The following CD200R1 variants were observed in gnomAD, a reference collection of about 807,000 sequenced individuals.
CD200R1 encodes CD200 receptor 1.
A neutral mutation model predicts 38.1 loss-of-function variants in CD200R1; 30 were observed. That is an observed-to-expected ratio of 0.79 (90% CI 0.59 to 1.07). The LOEUF is 1.07. Ranked by LOEUF, CD200R1 falls within the 50% of genes least tolerant of loss-of-function variation. The pLI is 0.00. For synonymous variants in CD200R1, 128 were observed against 152.1 expected (o/e 0.84, Z 1.16); for missense variants, 372 against 415.4 (o/e 0.90, Z 0.91).
chr3:112,951,734 A>G (rs1195765529), intron 1 of CD200R1, among the ~76,000 whole-genome samples: 1 of 151,404 alleles, frequency 6.6e-6, no homozygotes, highest in Non-Finnish European at 1.5e-5. Flanking sequence ...ACATTTTTCT[A>G]TACTAGCACA....
Position 112,931,179 on chromosome 3 carries a change from ATATT to A in CD200R1, c.137-12_137-9del, listed in dbSNP as rs759573985. The A allele has an allele frequency of 3.9e-6, 6 of 1,553,068 alleles. No individual in the cohort carries two copies. The South Asian group carries it at 4.5e-5, about 12-fold the overall frequency. On this transcript the variant is annotated splice_polypyrimidine_tract_variant and intron_variant, in intron 2 of 7. Transcript: ENST00000308611. Reference sequence around the variant, plus strand: ...TACATAAACTGCTTGAAGCTAGAAAATATTTAGAGAAGAATAAATGAAATCAATT... The same window carrying A: ...TACATAAACTGCTTGAAGCTAGAAAATAGAGAAGAATAAATGAAATCAATT...
chr3:112,927,820 T>C (rs750364150), intron 5 of CD200R1, among the ~76,000 whole-genome samples: 1 of 152,136 alleles, frequency 6.6e-6, no homozygotes, highest in Non-Finnish European at 1.5e-5. Context: ...GTTTTGTCAA[T>C]AGGCTTAGTG....
intron 1 of CD200R1, among the ~76,000 whole-genome samples, chr3:112,955,329 G>T (rs1424888625): frequency 6.6e-6 from 1 of 152,058 alleles, no homozygotes; most frequent in Non-Finnish European, 1.5e-5. Flanking sequence ...TAAAAGTGGG[G>T]TACTAAAGTC....
At chr3:112,973,410 T>G (rs978022819) in intron 1 of CD200R1, among the ~76,000 whole-genome samples, 2 of 152,146 alleles carry the variant, frequency 1.3e-5, no homozygotes, top group African/African-American at 2.4e-5. Flanking sequence ...CACTCAAATG[T>G]TTAGTGGTGC....
Position 112,929,441 on chromosome 3 carries a change from C to A in CD200R1, c.269G>T (p.Arg90Ile), listed in dbSNP as rs760871908. The A allele has an allele frequency of 1.1e-5, 18 of 1,613,836 alleles. No individual in the cohort carries two copies. In the East Asian group the frequency reaches 4.0e-4, roughly 36 times the overall value. The change falls in exon 4 of 8, where the codon AGA becomes ATA. Residue 90 changes from arginine (R) to isoleucine (I), a missense_variant. Arg to Ile is a moderately conservative substitution (Grantham distance 97, BLOSUM62 -3). Transcript: ENST00000308611. Reference protein sequence around the residue: ...AVLCCPPIALRNLIIITWEII... With the variant: ...AVLCCPPIALINLIIITWEII... ...TTCCCATGTTATTATGATCAAATTT[C>A]TTAATGCGATAGGAGGGCAACAAAG...
At chr3:112,954,864 G>A (rs886704943) in intron 1 of CD200R1, among the ~76,000 whole-genome samples, 9 of 152,060 alleles carry the variant, frequency 5.9e-5, no homozygotes, top group African/African-American at 1.2e-4. Context: ...AAAATTAATC[G>A]AACCAAAGGA....
At chr3:112,968,320 A>G (rs1449790568) in intron 1 of CD200R1, among the ~76,000 whole-genome samples, 3 of 152,230 alleles carry the variant, frequency 2.0e-5, no homozygotes, top group Non-Finnish European at 4.4e-5. Flanking sequence ...CCACTAAGTC[A>G]ATATTAGTTG....
intron 5 of CD200R1, among the ~76,000 whole-genome samples, chr3:112,927,368 A>T (rs1299254771): frequency 6.6e-6 from 1 of 152,128 alleles, no homozygotes; most frequent in Non-Finnish European, 1.5e-5. Context: ...CCCAGAGAAA[A>T]GGCCTTCAGA....
chr3:112,941,951 A>G (rs1940738329), intron 2 of CD200R1, among the ~76,000 whole-genome samples: 1 of 151,580 alleles, frequency 6.6e-6, no homozygotes, highest in South Asian at 2.1e-4. Flanking sequence ...TGTTGAGGGA[A>G]AAAAACTACC....
intron 1 of CD200R1, among the ~76,000 whole-genome samples, chr3:112,967,172 T>C (rs1393863070): frequency 6.6e-6 from 1 of 152,142 alleles, no homozygotes; most frequent in East Asian, 1.9e-4. Context: ...GTAATGTCAG[T>C]ATTCACCAAA....
chr3:112,959,407 C>T (rs1468503973), intron 1 of CD200R1, among the ~76,000 whole-genome samples: 1 of 151,968 alleles, frequency 6.6e-6, no homozygotes, highest in African/African-American at 2.4e-5. Flanking sequence ...ATCAGATAAC[C>T]ATATTAGCTG....
intron 5 of CD200R1, among the ~76,000 whole-genome samples, chr3:112,927,173 G>C (rs1467612374): frequency 6.6e-6 from 1 of 152,018 alleles, no homozygotes; most frequent in East Asian, 1.9e-4. Flanking sequence ...ACATCAGGGA[G>C]GGTGAGAATG....
chr3:112,941,928 A>G (rs775189933), intron 2 of CD200R1, among the ~76,000 whole-genome samples: 13 of 151,640 alleles, frequency 8.6e-5, no homozygotes, highest in Non-Finnish European at 1.5e-4. Context: ...ACAGCAAAGT[A>G]AAATATTTGA....
chr3:112,929,870 A>C (rs1388579925), intron 3 of CD200R1, among the ~76,000 whole-genome samples: 1 of 152,120 alleles, frequency 6.6e-6, no homozygotes, highest in Non-Finnish European at 1.5e-5. Context: ...TTATCATACA[A>C]TGTATGTGCC....
chr3:112,974,072 A>C lies in CD200R1; in HGVS notation c.67+719T>G, dbSNP rs569204353. Reference sequence around the variant, plus strand: ...CATCGAAAGTGACAGAAAGCAATAAACTGTCCTAATCTATGCCACTGGCAA... The same window carrying C: ...CATCGAAAGTGACAGAAAGCAATAACCTGTCCTAATCTATGCCACTGGCAA... On this transcript the variant is annotated intron_variant, in intron 1 of 7. Transcript: ENST00000308611. Among the ~76,000 whole-genome samples the C allele has an allele frequency of 9.2e-5, 14 of 152,222 alleles. No homozygotes were observed. In the South Asian group the frequency reaches 2.7e-3, roughly 29 times the overall value.
At chr3:112,932,724 A>G (rs935345456) in intron 2 of CD200R1, among the ~76,000 whole-genome samples, 1 of 151,992 alleles carries the variant, frequency 6.6e-6, no homozygotes, top group African/African-American at 2.4e-5. Context: ...TATCAGTTCC[A>G]TACCCACAAC....
chr3:112,952,331 T>C (rs911767180), intron 1 of CD200R1, among the ~76,000 whole-genome samples: 1 of 152,186 alleles, frequency 6.6e-6, no homozygotes, highest in South Asian at 2.1e-4. Flanking sequence ...TTTTTAATGT[T>C]GATTTTGTAT....
intron 1 of CD200R1, among the ~76,000 whole-genome samples, chr3:112,964,766 A>G (rs1038964645): frequency 2.0e-5 from 3 of 152,186 alleles, no homozygotes; most frequent in Non-Finnish European, 4.4e-5. Context: ...TGGTCTTGAA[A>G]TGTGAGGACA....
At chr3:112,959,495 G>A (rs1293729266) in intron 1 of CD200R1, among the ~76,000 whole-genome samples, 1 of 151,950 alleles carries the variant, frequency 6.6e-6, no homozygotes, top group Non-Finnish European at 1.5e-5. Flanking sequence ...CCTCTGTGCT[G>A]GTACTGAGCT....
Sources: gnomAD v4.1 joint callset for allele counts (sites outside exome capture counted in the v4.1 genomes callset) on GRCh38, gnomAD v4.1.1 for gene constraint, MANE v1.5 for transcripts, NCBI Gene and HGNC (gene_info 2026-07-23, HGNC 2026-07-21) for gene names.